Variants in ASPRV1 observed in about 807,000 individuals in gnomAD.
ASPRV1 encodes aspartic peptidase retroviral like 1.
Under a neutral mutation model 11.0 loss-of-function variants are expected in ASPRV1, and 7 were observed. That is an observed-to-expected ratio of 0.64 (90% confidence interval 0.36 to 1.20). ASPRV1 has a LOEUF of 1.20. ASPRV1 is among the 50% of genes most tolerant of loss of function. The pLI is 0.02. For missense variants in ASPRV1, 299 were observed against 320.0 expected (o/e 0.93, Z 0.50); for synonymous variants, 136 against 138.4 (o/e 0.98, Z 0.12).
At chr2:70,012,450 G>A in the ASPRV1 span, among the ~76,000 whole-genome samples, 6 of 152,100 alleles carry the variant, frequency 3.9e-5, no homozygotes, top group East Asian at 3.9e-4. Flanking sequence ...CACCGCGCCC[G>A]GCCAAGGTCA....
the ASPRV1 span, among the ~76,000 whole-genome samples, chr2:69,954,523 G>A: frequency 1.3e-5 from 2 of 152,096 alleles, no homozygotes; most frequent in African/African-American, 4.8e-5. Context: ...TGAAATAAAA[G>A]CAGCATCTCC....
chr2:69,988,819 A>G, the ASPRV1 span: 41 of 456,588 alleles, frequency 9.0e-5, no homozygotes, highest in South Asian at 5.7e-4. Flanking sequence ...AGGGGTCAAC[A>G]TGGGGTTCTG....
the ASPRV1 span, among the ~76,000 whole-genome samples, chr2:69,997,455 TC>T: frequency 6.6e-6 from 1 of 152,142 alleles, no homozygotes; most frequent in African/African-American, 2.4e-5. Flanking sequence ...CCCTGGCTCA[TC>T]CTCCACCACA....
At chr2:69,996,934 G>A in the ASPRV1 span, 1 of 311,116 alleles carries the variant, frequency 3.2e-6, no homozygotes, top group Non-Finnish European at 6.4e-6. Context: ...ATCTTCAGAT[G>A]AGGGGACAGT....
At chr2:69,935,971 C>G in the ASPRV1 span, among the ~76,000 whole-genome samples, 1 of 152,104 alleles carries the variant, frequency 6.6e-6, no homozygotes, top group African/African-American at 2.4e-5. Flanking sequence ...CAGATTCTGC[C>G]TTGCCTGGTC....
the ASPRV1 span, among the ~76,000 whole-genome samples, chr2:70,058,693 C>T: frequency 4.0e-5 from 6 of 151,560 alleles, no homozygotes; most frequent in Admixed American, 2.6e-4. Context: ...GCTGGGATTA[C>T]AGGCGCCTGC....
chr2:70,072,644 C>T, the ASPRV1 span, among the ~76,000 whole-genome samples: 6 of 152,216 alleles, frequency 3.9e-5, no homozygotes, highest in Admixed American at 1.3e-4. Context: ...ATCACTTGAA[C>T]TCAGGAGGCA....
At chr2:69,987,642 T>C in the ASPRV1 span, among the ~76,000 whole-genome samples, 3 of 151,524 alleles carry the variant, frequency 2.0e-5, no homozygotes, top group Admixed American at 6.6e-5. Flanking sequence ...CCCAGCTACT[T>C]GGGAGGCTGA....
the ASPRV1 span, among the ~76,000 whole-genome samples, chr2:70,029,399 G>C: frequency 4.7e-4 from 72 of 152,224 alleles, 2 homozygotes; most frequent in South Asian, 0.014. Context: ...CTAGCACTTG[G>C]GGAGGCTGAG....
At chr2:69,959,664 A>G (rs1678019019), downstream of ASPRV1, among the ~76,000 whole-genome samples, 1 of 152,104 alleles carries the variant, frequency 6.6e-6, no homozygotes, top group South Asian at 2.1e-4. Context: ...ACACAGGTCA[A>G]CACTTGTCTC....
chr2:70,062,788 G>A, the ASPRV1 span, among the ~76,000 whole-genome samples: 194 of 152,292 alleles, frequency 1.3e-3, no homozygotes, highest in Non-Finnish European at 2.2e-3. Context: ...GCAACATAGC[G>A]AGACCTTGTC....
the ASPRV1 span, among the ~76,000 whole-genome samples, chr2:69,973,200 T>C: frequency 2.6e-5 from 4 of 152,256 alleles, no homozygotes; most frequent in Non-Finnish European, 4.4e-5. Context: ...AAATTGCATA[T>C]GGCCAGTTGG....
At chr2:69,957,530 G>A (rs1677967654), downstream of ASPRV1, among the ~76,000 whole-genome samples, 1 of 151,318 alleles carries the variant, frequency 6.6e-6, no homozygotes, top group Non-Finnish European at 1.5e-5. Flanking sequence ...GCAGCTTGTA[G>A]GGCCCCCTTA....
the ASPRV1 span, among the ~76,000 whole-genome samples, chr2:69,946,525 T>C: frequency 4.6e-5 from 7 of 152,186 alleles, no homozygotes; most frequent in Non-Finnish European, 1.0e-4. Flanking sequence ...ATGCCTGACA[T>C]GCAGAAAGCA....
At chr2:69,956,519 G>A (rs1326489320), downstream of ASPRV1, among the ~76,000 whole-genome samples, 2 of 141,036 alleles carry the variant, frequency 1.4e-5, no homozygotes, top group African/African-American at 5.7e-5. Context: ...GAGGGGAGGA[G>A]GAGGAGGAGA....
chr2:70,059,462 C>G, the ASPRV1 span, among the ~76,000 whole-genome samples: 624 of 152,054 alleles, frequency 4.1e-3, 1 homozygote, highest in Non-Finnish European at 5.7e-3. Flanking sequence ...GTTAATTAAT[C>G]TCTTAGAGCA....
the ASPRV1 span, chr2:69,970,780 T>G: frequency 1.3e-5 from 2 of 152,292 alleles, no homozygotes; most frequent in Admixed American, 6.5e-5. Context: ...CATGAAGCAT[T>G]GCCTGATCTT....
At chr2:70,041,970 T>C in the ASPRV1 span, among the ~76,000 whole-genome samples, 3 of 152,152 alleles carry the variant, frequency 2.0e-5, no homozygotes, top group South Asian at 2.1e-4. Flanking sequence ...ATGAAGGTAA[T>C]AGTAACATTA....
the ASPRV1 span, among the ~76,000 whole-genome samples, chr2:69,985,832 T>C: frequency 6.6e-6 from 1 of 152,138 alleles, no homozygotes; most frequent in Admixed American, 6.5e-5. Context: ...AACCCAGCCC[T>C]GGACATGAAG....
Sources: gnomAD v4.1 joint callset for allele counts (sites outside exome capture counted in the v4.1 genomes callset) on GRCh38, gnomAD v4.1.1 for gene constraint, MANE v1.5 for transcripts, NCBI Gene and HGNC (gene_info 2026-07-23, HGNC 2026-07-21) for gene names.